The following PIAS1 variants were observed in gnomAD, a reference collection of about 807,000 sequenced individuals.
PIAS1 encodes the protein protein inhibitor of activated STAT 1.
A neutral mutation model predicts 71.3 loss-of-function variants in PIAS1; 6 were observed. That is an observed-to-expected ratio of 0.08 (90% CI 0.05 to 0.17). The LOEUF is 0.17. Among genes scored for constraint, PIAS1 ranks in the 10% least tolerant of loss-of-function variants. The pLI is 1.00. For missense variants in PIAS1, 555 were observed against 793.6 expected (o/e 0.70, Z 3.61); for synonymous variants, 303 against 292.9 (o/e 1.03, Z -0.35).
chr15:68,139,517 G>A (rs895632462), intron 2 of PIAS1, among the ~76,000 whole-genome samples: 2 of 152,124 alleles, frequency 1.3e-5, no homozygotes, highest in Non-Finnish European at 2.9e-5. Context: ...GACATTCCCA[G>A]TACAAAGAAA....
chr15:68,172,117 A>G (rs1033618466), intron 8 of PIAS1, among the ~76,000 whole-genome samples: 2 of 150,806 alleles, frequency 1.3e-5, no homozygotes, highest in Admixed American at 6.6e-5. Flanking sequence ...CCTGTGTCCA[A>G]GTGTTCTCAT....
At chr15:68,055,333 C>A (rs1351648450) in intron 1 of PIAS1, 1 of 348,758 alleles carries the variant, frequency 2.9e-6, no homozygotes, top group Non-Finnish European at 4.0e-6. Context: ...GCTACTCCAA[C>A]CCCCGATAAA....
intron 2 of PIAS1, among the ~76,000 whole-genome samples, chr15:68,100,167 A>G (rs2092411282): frequency 6.6e-6 from 1 of 152,028 alleles, no homozygotes; most frequent in South Asian, 2.1e-4. Flanking sequence ...AGAAATGTAT[A>G]GGAACATCCT....
intron 2 of PIAS1, among the ~76,000 whole-genome samples, chr15:68,107,962 A>G (rs1383466728): frequency 1.3e-5 from 2 of 152,204 alleles, no homozygotes; most frequent in African/African-American, 2.4e-5. Flanking sequence ...AAACTACTAG[A>G]AAATCAACAG....
At chr15:68,143,508 G>A (rs1174722082) in intron 4 of PIAS1, among the ~76,000 whole-genome samples, 1 of 152,112 alleles carries the variant, frequency 6.6e-6, no homozygotes, top group Non-Finnish European at 1.5e-5. Context: ...CCTTACTGCA[G>A]TAGACTAGTG....
At chr15:68,140,873 C>T (rs1455265449) in intron 2 of PIAS1, among the ~76,000 whole-genome samples, 2 of 151,872 alleles carry the variant, frequency 1.3e-5, no homozygotes, top group Non-Finnish European at 2.9e-5. Context: ...TAGAAAATTA[C>T]CCTGGAAAAG....
intron 2 of PIAS1, among the ~76,000 whole-genome samples, chr15:68,095,405 G>A (rs930283247): frequency 2.0e-5 from 3 of 152,028 alleles, no homozygotes; most frequent in African/African-American, 7.3e-5. Flanking sequence ...TCATCATGGG[G>A]TAGATAGGAT....
chr15:68,061,997 C>T (rs1567022409), intron 1 of PIAS1, among the ~76,000 whole-genome samples: 1 of 152,194 alleles, frequency 6.6e-6, no homozygotes, highest in Non-Finnish European at 1.5e-5. Context: ...ATACATGTGT[C>T]AGATGAACAA....
chr15:68,182,138 G>T (rs2093056986), intron 12 of PIAS1, among the ~76,000 whole-genome samples: 2 of 151,276 alleles, frequency 1.3e-5, no homozygotes, highest in South Asian at 4.2e-4. Context: ...TAATTTTGTG[G>T]GTACATACTA....
chr15:68,073,891 T>A (rs901516131), intron 1 of PIAS1, among the ~76,000 whole-genome samples: 1 of 152,052 alleles, frequency 6.6e-6, no homozygotes, highest in African/African-American at 2.4e-5. Context: ...AAGTTAAGAG[T>A]CTCTTGCAGA....
At chr15:68,125,699 T>TC in intron 2 of PIAS1, among the ~76,000 whole-genome samples, 1 of 149,282 alleles carries the variant, frequency 6.7e-6, no homozygotes, top group East Asian at 1.9e-4. Flanking sequence ...TGGTTTCCGA[T>TC]TTTTTTTTTC....
chr15:68,101,132 T>C (rs983520996), intron 2 of PIAS1, among the ~76,000 whole-genome samples: 1 of 152,008 alleles, frequency 6.6e-6, no homozygotes. Flanking sequence ...ACTCCTGGAG[T>C]CAAGTGATCT....
chr15:68,111,541 G>T (rs980833521), intron 2 of PIAS1, among the ~76,000 whole-genome samples: 1 of 152,094 alleles, frequency 6.6e-6, no homozygotes. Flanking sequence ...CTAATTGGCC[G>T]TTAAAAAGTA....
chr15:68,105,897 C>G (rs1286956082), intron 2 of PIAS1, among the ~76,000 whole-genome samples: 1 of 151,976 alleles, frequency 6.6e-6, no homozygotes, highest in African/African-American at 2.4e-5. Flanking sequence ...CTCTTATAGC[C>G]CCACATAGGT....
chr15:68,062,782 A>G (rs1165713701), intron 1 of PIAS1, among the ~76,000 whole-genome samples: 1 of 152,260 alleles, frequency 6.6e-6, no homozygotes, highest in Non-Finnish European at 1.5e-5. Context: ...ATGTACATGT[A>G]CATAAATATC....
At chr15:68,075,503 C>G (rs1310066709) in intron 1 of PIAS1, among the ~76,000 whole-genome samples, 1 of 152,124 alleles carries the variant, frequency 6.6e-6, no homozygotes, top group Non-Finnish European at 1.5e-5. Context: ...TCATAATGAT[C>G]TGTAAGTTTT....
intron 1 of PIAS1, among the ~76,000 whole-genome samples, chr15:68,085,990 G>C (rs1169393540): frequency 6.6e-6 from 1 of 152,154 alleles, no homozygotes; most frequent in Non-Finnish European, 1.5e-5. Flanking sequence ...GACTCAGTAA[G>C]TGCTTGATAA....
intron 1 of PIAS1, among the ~76,000 whole-genome samples, chr15:68,076,237 G>A (rs949754398): frequency 3.3e-5 from 5 of 152,256 alleles, no homozygotes; most frequent in East Asian, 1.9e-4. Flanking sequence ...CAGGCTGGGC[G>A]CGGTGGCTCA....
At chr15:68,092,090 G>A (rs781379418) in intron 2 of PIAS1, among the ~76,000 whole-genome samples, 35 of 152,120 alleles carry the variant, frequency 2.3e-4, no homozygotes, top group Non-Finnish European at 4.9e-4. Context: ...ATCTGAATAA[G>A]TTCACATCAT....
Sources: allele counts gnomAD v4.1 joint callset (sites outside exome capture counted in the v4.1 genomes callset), GRCh38; gene constraint gnomAD v4.1.1; transcripts MANE v1.5; gene names NCBI Gene and HGNC (gene_info 2026-07-23, HGNC 2026-07-21).